Variants in KHDRBS2 observed in about 807,000 individuals in gnomAD.
KHDRBS2 encodes KH RNA binding domain containing, signal transduction associated 2.
Under a neutral mutation model 44.3 loss-of-function variants are expected in KHDRBS2, and 26 were observed. The observed-to-expected ratio is 0.59, with a 90% CI of 0.43 to 0.81. KHDRBS2 has a LOEUF of 0.81. KHDRBS2 is among the 40% of genes least tolerant of loss of function. The pLI is 0.00. For synonymous variants in KHDRBS2, 194 were observed against 151.1 expected, an observed-to-expected ratio of 1.28 and a Z score of -2.08; for missense variants, 476 against 433.1, an observed-to-expected ratio of 1.10 and a Z score of -0.88.
chr6:61,971,620 A>G (rs1771442022), intron 4 of KHDRBS2, among the ~76,000 whole-genome samples: 1 of 152,040 alleles, frequency 6.6e-6, no homozygotes, highest in South Asian at 2.1e-4. Flanking sequence ...AGGCTAATCG[A>G]ACTCTCTTTC....
At chr6:61,565,011 C>G in the KHDRBS2 span, among the ~76,000 whole-genome samples, 1 of 151,874 alleles carries the variant, frequency 6.6e-6, no homozygotes, top group Admixed American at 6.6e-5. Context: ...GAAATAAATT[C>G]ACAGATATAC....
chr6:61,954,713 CATGCATACTTATGT>C (rs1562512108), intron 4 of KHDRBS2, among the ~76,000 whole-genome samples: 8 of 116,620 alleles, frequency 6.9e-5, no homozygotes, highest in Admixed American at 8.6e-5. Context: ...TGTATATACA[CATGCATACTTATGT>C]ATACATACAT....
At chr6:61,954,783 TATACACATGC>T (rs1169759258) in intron 4 of KHDRBS2, among the ~76,000 whole-genome samples, 6 of 115,070 alleles carry the variant, frequency 5.2e-5, no homozygotes, top group African/African-American at 1.9e-4. Context: ...CATATGTGTA[TATACACATGC>T]ATATGTATGT....
chr6:62,273,646 C>T (rs560477191), intron 1 of KHDRBS2, among the ~76,000 whole-genome samples: 1 of 152,130 alleles, frequency 6.6e-6, no homozygotes, highest in East Asian at 1.9e-4. Flanking sequence ...TCAGGGTGAT[C>T]TCTTCTACTC....
At chr6:62,053,364 A>AC (rs1789515127) in intron 2 of KHDRBS2, among the ~76,000 whole-genome samples, 1 of 151,954 alleles carries the variant, frequency 6.6e-6, no homozygotes, top group South Asian at 2.1e-4. Context: ...AAGAAAAAAA[A>AC]AATGACATGA....
intron 1 of KHDRBS2, among the ~76,000 whole-genome samples, chr6:62,188,502 G>T (rs1585121037): frequency 6.6e-6 from 1 of 152,090 alleles, no homozygotes; most frequent in African/African-American, 2.4e-5. Flanking sequence ...GAGGGTAATG[G>T]CATATAAAAT....
intron 2 of KHDRBS2, among the ~76,000 whole-genome samples, chr6:62,119,294 C>G (rs1010094208): frequency 6.6e-6 from 1 of 152,104 alleles, no homozygotes; most frequent in Non-Finnish European, 1.5e-5. Context: ...TACATAATAC[C>G]TTCAACCATA....
chr6:62,180,682 G>T (rs1293560306), intron 1 of KHDRBS2, among the ~76,000 whole-genome samples: 1 of 151,574 alleles, frequency 6.6e-6, no homozygotes, highest in East Asian at 1.9e-4. Context: ...TACAAAAATA[G>T]AAAAAATAAT....
At chr6:62,101,908 G>A (rs2127374154) in intron 2 of KHDRBS2, among the ~76,000 whole-genome samples, 1 of 152,146 alleles carries the variant, frequency 6.6e-6, no homozygotes, top group South Asian at 2.1e-4. Flanking sequence ...ACATAACATG[G>A]TCTTCTCACA....
chr6:61,859,657 C>T (rs1796636326), intron 6 of KHDRBS2, among the ~76,000 whole-genome samples: 2 of 151,922 alleles, frequency 1.3e-5, no homozygotes, highest in South Asian at 4.1e-4. Flanking sequence ...CAAGGGTTCT[C>T]AGCTGGCACT....
intron 4 of KHDRBS2, among the ~76,000 whole-genome samples, chr6:61,923,330 T>C (rs1198270673): frequency 1.3e-5 from 2 of 152,012 alleles, no homozygotes; most frequent in Non-Finnish European, 2.9e-5. Context: ...ATTAAAAGTA[T>C]AGTAATGGAC....
the KHDRBS2 span, among the ~76,000 whole-genome samples, chr6:61,590,791 G>T: frequency 6.6e-6 from 1 of 152,050 alleles, no homozygotes; most frequent in Admixed American, 6.6e-5. Flanking sequence ...TCATACTCTG[G>T]ATATTTGGTG....
chr6:61,749,974 CCTCTAAATTT>C (rs1777424010), intron 6 of KHDRBS2, among the ~76,000 whole-genome samples: 1 of 151,978 alleles, frequency 6.6e-6, no homozygotes, highest in Non-Finnish European at 1.5e-5. Flanking sequence ...AGTAGAATGA[CCTCTAAATTT>C]TATGCCTAAG....
At chr6:61,740,045 G>C (rs186480284) in intron 6 of KHDRBS2, among the ~76,000 whole-genome samples, 1 of 151,842 alleles carries the variant, frequency 6.6e-6, no homozygotes, top group East Asian at 1.9e-4. Context: ...GTTACTAGAA[G>C]ATATCAACAA....
intron 1 of KHDRBS2, among the ~76,000 whole-genome samples, chr6:62,260,033 T>G (rs1838078676): frequency 6.6e-6 from 1 of 151,908 alleles, no homozygotes; most frequent in Non-Finnish European, 1.5e-5. Flanking sequence ...GGCCATGTAG[T>G]GCTATACATA....
chr6:62,273,437 G>C (rs573523426), intron 1 of KHDRBS2, among the ~76,000 whole-genome samples: 12 of 152,162 alleles, frequency 7.9e-5, no homozygotes, highest in Non-Finnish European at 1.3e-4. Flanking sequence ...TGCAACATTT[G>C]AAAATATTGA....
At chr6:61,933,483 C>T (rs1389187998) in intron 4 of KHDRBS2, among the ~76,000 whole-genome samples, 1 of 152,162 alleles carries the variant, frequency 6.6e-6, no homozygotes, top group South Asian at 2.1e-4. Context: ...ACGTTATGCA[C>T]TGCTTAACCA....
chr6:61,670,981 T>A, the KHDRBS2 span, among the ~76,000 whole-genome samples: 1 of 151,590 alleles, frequency 6.6e-6, no homozygotes, highest in African/African-American at 2.4e-5. Flanking sequence ...CTCTTTGTCT[T>A]CTCATTTCCC....
intron 2 of KHDRBS2, among the ~76,000 whole-genome samples, chr6:62,054,705 G>C (rs1269691023): frequency 3.3e-5 from 5 of 152,034 alleles, no homozygotes; most frequent in Admixed American, 6.6e-5. Context: ...GCTTCTATTA[G>C]GTGGAAAAGT....
Sources: gnomAD v4.1 joint callset for allele counts (sites outside exome capture counted in the v4.1 genomes callset) on GRCh38, gnomAD v4.1.1 for gene constraint, MANE v1.5 for transcripts, NCBI Gene and HGNC (gene_info 2026-07-23, HGNC 2026-07-21) for gene names.